GNB5: variants seen among roughly 807,000 people sequenced by gnomAD.
GNB5 encodes the protein guanine nucleotide-binding protein subunit beta-5.
GNB5 carries 37 observed loss-of-function variants against 55.3 expected under a neutral mutation model. That is an observed-to-expected ratio of 0.67 (90% CI 0.51 to 0.88). The LOEUF is 0.88. GNB5 is among the 40% of genes least tolerant of loss of function. The probability of loss-of-function intolerance (pLI) is 0.00; values close to 1 mark genes in which losing one functional copy is unlikely to be tolerated. For missense variants in GNB5, 476 were observed against 515.3 expected (o/e 0.92, Z 0.74); for synonymous variants, 219 against 198.5 (o/e 1.10, Z -0.87).
chr15:52,117,102 A>ATATATATATATATATATATATTTTTTTT lies in GNB5; in HGVS notation c.*5654_*5655insAAAAAAAATATATATATATATATATATA. 3 of 87,098 alleles carry ATATATATATATATATATATATTTTTTTT rather than the reference A, an allele frequency of 3.4e-5. No homozygotes were observed. The highest frequency in any genetic ancestry group is 3.8e-4 in the South Asian group (1 of 2,626). 5.4% of individuals were successfully genotyped at this position (87,098 alleles called of 1,614,324 possible). Reference sequence around the variant, plus strand: ...CCACGCCCAGCTAATATATATATATATTTTTTTTTAGTACAGACAGGGTTT... The same window carrying ATATATATATATATATATATATTTTTTTT: ...CCACGCCCAGCTAATATATATATATATATATATATATATATATATATTTTTTTTTTTTTTTTTAGTACAGACAGGGTTT... On this transcript the variant is annotated 3_prime_UTR_variant, in exon 13 of 13. Transcript: ENST00000261837.
chr15:52,169,683 G>A (rs1215467700), intron 3 of GNB5, among the ~76,000 whole-genome samples: 1 of 151,510 alleles, frequency 6.6e-6, no homozygotes, highest in Non-Finnish European at 1.5e-5. Context: ...TGACAAAAAT[G>A]CCGAAAGTAA....
At position 52,115,206 on chromosome 15, in the gene GNB5, T is replaced by A. The variant is rs2033125374; in HGVS notation, c.*7551A>T. The A allele has an allele frequency of 6.6e-6, 1 of 152,198 alleles. No individual in the cohort carries two copies. Among genetic ancestry groups the A allele is most frequent in the Non-Finnish European group, 1.5e-5 (1 of 68,036 alleles). 9.4% of individuals were successfully genotyped at this position (152,198 alleles called of 1,614,324 possible). A position where few individuals can be genotyped will look rare whatever the true frequency, so the allele number is the denominator to read the frequency against. On this transcript the variant is annotated 3_prime_UTR_variant, in exon 13 of 13. Coordinates refer to ENST00000261837, the MANE Select transcript of GNB5 (RefSeq NM_016194.4). ...GTTTTCTCTTAGATTTGCAGTAGCT[T>A]TGGGGTAAATGATAAATCCTCTGGA...
At chr15:52,136,176 T>C (rs866118409) in intron 7 of GNB5, among the ~76,000 whole-genome samples, 1,084 of 58,870 alleles carry the variant, frequency 0.018, 25 homozygotes, top group African/African-American at 0.11. Flanking sequence ...ACACACACCC[T>C]ACCTGCTGTA....
intron 3 of GNB5, among the ~76,000 whole-genome samples, chr15:52,171,902 C>G (rs1002477098): frequency 6.6e-6 from 1 of 152,170 alleles, no homozygotes; most frequent in Admixed American, 6.5e-5. Context: ...GATTTGTACT[C>G]AGAGAAACGA....
chr15:52,147,908 A>C (rs1292812647), intron 5 of GNB5, among the ~76,000 whole-genome samples: 2 of 152,220 alleles, frequency 1.3e-5, no homozygotes, highest in African/African-American at 4.8e-5. Flanking sequence ...TTTAAATTTT[A>C]GAAAATAAAA....
chr15:52,162,078 G>A (rs2034348313), intron 3 of GNB5, among the ~76,000 whole-genome samples: 1 of 152,152 alleles, frequency 6.6e-6, no homozygotes, highest in South Asian at 2.1e-4. Flanking sequence ...CAGCAAGCGT[G>A]AAGGCCAGTG....
At chr15:52,130,976 C>A (rs376183588) in intron 9 of GNB5, among the ~76,000 whole-genome samples, 1 of 152,208 alleles carries the variant, frequency 6.6e-6, no homozygotes, top group East Asian at 1.9e-4. Context: ...CAGTCATGTG[C>A]CACCACATTT....
intron 8 of GNB5, 148 bp from the exon 9 acceptor site, chr15:52,133,617 C>G (rs1484885155): frequency 1.6e-6 from 1 of 610,972 alleles, no homozygotes; most frequent in Non-Finnish European, 3.0e-6. Context: ...TACCTGAGGG[C>G]ACTTTCCTTA....
Position 52,121,025 on chromosome 15 carries a change from C to A in GNB5, c.*1732G>T, listed in dbSNP as rs534995751. The stretch of plus-strand genomic sequence containing the variant: ...CGAGTGGCCCATCACGATACCTGAA[C>A]AAGCAGTTGTGAGGGTGGGCCTGGC... On this transcript the variant is annotated 3_prime_UTR_variant, in exon 13 of 13. Transcript: ENST00000261837. The A allele has an allele frequency of 1.3e-5, 2 of 152,374 alleles. No individual in the cohort carries two copies. The highest frequency in any genetic ancestry group is 1.9e-4 in the East Asian group (1 of 5,190). The allele number at this position is 152,374 out of a possible 1,614,324, so 9.4% of individuals were successfully genotyped here. A position where few individuals can be genotyped will look rare whatever the true frequency, so the allele number is the denominator to read the frequency against.
chr15:52,135,490 GA>G, intron 8 of GNB5, 122 bp downstream of exon 8: 1 of 880,236 alleles, frequency 1.1e-6, no homozygotes. Context: ...GGGGAGTTGA[GA>G]ACAATTCCTG....
At position 52,155,219 on chromosome 15, in the gene GNB5, G is replaced by A. The variant is rs182336048; in HGVS notation, c.239-1143C>T. Among the ~76,000 whole-genome samples the A allele has an allele frequency of 3.3e-5, 5 of 152,296 alleles. No individual in the cohort carries two copies. In the East Asian group the frequency reaches 7.7e-4, roughly 24 times the overall value. On this transcript the variant is annotated intron_variant, in intron 3 of 12. Coordinates refer to ENST00000261837, the MANE Select transcript of GNB5 (RefSeq NM_016194.4). ...GGAGGGAAGAGGGCATTTTCAGGGG[G>A]AAACAGCCTACGCAAACAGACAGAG...
At chr15:52,148,416 T>C (rs998877751) in intron 5 of GNB5, among the ~76,000 whole-genome samples, 1 of 152,114 alleles carries the variant, frequency 6.6e-6, no homozygotes, top group African/African-American at 2.4e-5. Flanking sequence ...CAACAGTCCC[T>C]GGCTTCTGGC....
rs1449288673 is a variant in GNB5 at position 52,116,099 on chromosome 15, A to G, written c.*6658T>C. 1.3e-5 allele frequency: 2 copies of G among 152,254 alleles called. No individual in the cohort carries two copies. Among genetic ancestry groups the G allele is most frequent in the African/African-American group, 2.4e-5 (1 of 41,466 alleles). 9.4% of individuals were successfully genotyped at this position (152,254 alleles called of 1,614,324 possible). A position where few individuals can be genotyped will look rare whatever the true frequency, so the allele number is the denominator to read the frequency against. On this transcript the variant is annotated 3_prime_UTR_variant, in exon 13 of 13. Transcript: ENST00000261837. ...ATTGGGGCTGTTTCAGCTTTGGGCT[A>G]TTATGAGTAATGCTGCTATGAACAT...
chr15:52,119,068 T>A lies in GNB5; in HGVS notation c.*3689A>T, dbSNP rs55741208. 0.63 allele frequency: 56,970 copies of A among 90,164 alleles called. 16,664 individuals carry two copies. The highest frequency in any genetic ancestry group is 0.68 in the Non-Finnish European group (33,441 of 49,072). 5.6% of individuals were successfully genotyped at this position (90,164 alleles called of 1,614,324 possible). A position where few individuals can be genotyped will look rare whatever the true frequency, so the allele number is the denominator to read the frequency against. ...GGGAGGAGATGGGGAGAAAAGGAAG[T>A]GCTGGGGGAAGGGGAATGGGAAGGG... On this transcript the variant is annotated 3_prime_UTR_variant, in exon 13 of 13. Transcript: ENST00000261837.
intron 3 of GNB5, among the ~76,000 whole-genome samples, chr15:52,165,091 C>G (rs957442133): frequency 2.0e-5 from 3 of 151,962 alleles, no homozygotes; most frequent in African/African-American, 7.3e-5. Flanking sequence ...GCTGAACAGA[C>G]CAAGCATAGG....
chr15:52,155,093 CTT>C (rs1342244887), intron 3 of GNB5, among the ~76,000 whole-genome samples: 1 of 152,230 alleles, frequency 6.6e-6, no homozygotes, highest in Non-Finnish European at 1.5e-5. Flanking sequence ...ACTTCCCTCT[CTT>C]GTTGGTAGCT....
intron 3 of GNB5, among the ~76,000 whole-genome samples, chr15:52,166,545 C>T (rs1209154031): frequency 1.3e-5 from 2 of 152,144 alleles, no homozygotes; most frequent in African/African-American, 2.4e-5. Flanking sequence ...CAAAACCACA[C>T]GACTACATGG....
chr15:52,176,176 T>C (rs8041128), intron 3 of GNB5, among the ~76,000 whole-genome samples: 5,412 of 152,074 alleles, frequency 0.036, 339 homozygotes, highest in African/African-American at 0.12. Flanking sequence ...ACAGATTCAG[T>C]TTATGGTCCT....
chr15:52,175,281 C>T (rs2034629339), intron 3 of GNB5, among the ~76,000 whole-genome samples: 1 of 152,208 alleles, frequency 6.6e-6, no homozygotes, highest in African/African-American at 2.4e-5. Flanking sequence ...GTGTCAGCCG[C>T]ATACCCTAAT....
Sources: allele counts gnomAD v4.1 joint callset (sites outside exome capture counted in the v4.1 genomes callset), GRCh38; gene constraint gnomAD v4.1.1; transcripts MANE v1.5; gene names NCBI Gene and HGNC (gene_info 2026-07-23, HGNC 2026-07-21).